Variants in NLN observed in about 807,000 individuals in gnomAD.
NLN encodes neurolysin, mitochondrial.
A neutral mutation model predicts 79.9 loss-of-function variants in NLN; 64 were observed. The observed-to-expected ratio is 0.80, with a 90% CI of 0.65 to 0.99. The LOEUF (loss-of-function observed/expected upper bound fraction) is 0.99. Ranked by LOEUF, NLN falls within the 50% of genes least tolerant of loss-of-function variation. The pLI is 0.00. For missense variants in NLN, 835 were observed against 858.7 expected (o/e 0.97, Z 0.34); for synonymous variants, 267 against 296.6 (o/e 0.90, Z 1.02).
chr5:65,770,411 A>G (rs1450565568), intron 3 of NLN, among the ~76,000 whole-genome samples: 1 of 152,260 alleles, frequency 6.6e-6, no homozygotes, highest in South Asian at 2.1e-4. Context: ...AATCAAATGT[A>G]TGAAAAGATG....
At chr5:65,731,204 G>A (rs1758598295) in intron 1 of NLN, among the ~76,000 whole-genome samples, 1 of 152,204 alleles carries the variant, frequency 6.6e-6, no homozygotes, top group East Asian at 1.9e-4. Flanking sequence ...CATGTCAGTG[G>A]CAGGGTTCCA....
intron 1 of NLN, among the ~76,000 whole-genome samples, chr5:65,729,831 C>T (rs1294549007): frequency 1.3e-5 from 2 of 152,138 alleles, no homozygotes; most frequent in Non-Finnish European, 2.9e-5. Flanking sequence ...TATGAAGAAC[C>T]AAGGAAACTG....
chr5:65,791,677 C>G (rs1434672254), intron 8 of NLN, among the ~76,000 whole-genome samples: 1 of 151,402 alleles, frequency 6.6e-6, no homozygotes, highest in African/African-American at 2.4e-5. Flanking sequence ...GAGCTGAGAT[C>G]ATGCCACTGC....
At chr5:65,784,624 A>G (rs930897022) in intron 6 of NLN, among the ~76,000 whole-genome samples, 1 of 152,212 alleles carries the variant, frequency 6.6e-6, no homozygotes, top group African/African-American at 2.4e-5. Flanking sequence ...TCAATTCCCA[A>G]AAGGCCCTGC....
At chr5:65,777,904 C>G (rs1199542819) in intron 4 of NLN, among the ~76,000 whole-genome samples, 1 of 152,196 alleles carries the variant, frequency 6.6e-6, no homozygotes, top group Non-Finnish European at 1.5e-5. Context: ...TTAAATTCTA[C>G]AACTCCTGTT....
At chr5:65,732,892 C>T (rs1758641323) in intron 1 of NLN, 3 of 460,634 alleles carry the variant, frequency 6.5e-6, no homozygotes, top group East Asian at 3.8e-5. Flanking sequence ...TCAGGCAGCA[C>T]CTTGCACACA....
intron 1 of NLN, chr5:65,733,478 G>T: frequency 7.2e-7 from 1 of 1,382,484 alleles, no homozygotes; most frequent in Non-Finnish European, 1.0e-6. Flanking sequence ...CTTCCCATCT[G>T]GAGAGTCTTG....
At chr5:65,757,904 G>A (rs1220601416) in intron 1 of NLN, among the ~76,000 whole-genome samples, 2 of 152,066 alleles carry the variant, frequency 1.3e-5, no homozygotes, top group African/African-American at 4.8e-5. Context: ...TATGTACATA[G>A]TAGGTGAAAG....
At chr5:65,760,971 G>A (rs933780388) in intron 2 of NLN, among the ~76,000 whole-genome samples, 7 of 152,072 alleles carry the variant, frequency 4.6e-5, no homozygotes, top group African/African-American at 1.7e-4. Context: ...TTGAGTTTAG[G>A]AATAGATTTC....
chr5:65,788,360 T>C lies in NLN; in HGVS notation c.1201T>C (p.Leu401=), dbSNP rs755445815. 1 of 1,614,166 alleles carries C rather than the reference T, an allele frequency of 6.2e-7. No homozygotes were observed. The change falls in exon 8 of 13, where the codon TTG becomes CTG. Residue 401 remains leucine (L), a synonymous_variant. Coordinates refer to ENST00000380985, the MANE Select transcript of NLN (RefSeq NM_020726.5). The stretch of plus-strand genomic sequence containing the variant: ...CTTGCTGAACACCTACCAGGAGTTG[T>C]TGGGACTTTCATTTGAACAAATGAC... ...EGLLNTYQEL[L]GLSFEQMTDA... is the part of the protein sequence containing the mutation.
chr5:65,763,229 CCATAATGGGCATTATATAGTATTA>C, intron 3 of NLN, 121 bp downstream of exon 3: 2 of 778,832 alleles, frequency 2.6e-6, no homozygotes. Flanking sequence ...GATTATAAAA[CCATAATGGGCATTATATAGTATTA>C]CATAATGTTA....
chr5:65,738,213 G>A (rs1447501215), intron 1 of NLN, among the ~76,000 whole-genome samples: 1 of 151,926 alleles, frequency 6.6e-6, no homozygotes, highest in African/African-American at 2.4e-5. Flanking sequence ...AGAATACAAG[G>A]CAGAAGGTGA....
rs541872022 is a variant in NLN, at chr5:65,781,573, T to C, written c.822+152T>C. The C allele has an allele frequency of 5.5e-4, 351 of 636,154 alleles. 7 individuals carry two copies. In the South Asian group the frequency reaches 6.3e-3, roughly 11 times the overall value. The allele number at this position is 636,154 out of a possible 1,614,324, so 39.4% of individuals were successfully genotyped here. A position where few individuals can be genotyped will look rare whatever the true frequency, so the allele number is the denominator to read the frequency against. On this transcript the variant is annotated intron_variant, in intron 6 of 12. Coordinates refer to ENST00000380985, the MANE Select transcript of NLN (RefSeq NM_020726.5). ...CCTCAGACTTACAAGACTTTTAGCTTTTTCATTGCTCATTGACAACCTGCT... is the reference window on the plus strand; with the variant it reads ...CCTCAGACTTACAAGACTTTTAGCTCTTTCATTGCTCATTGACAACCTGCT...
In NLN at chr5:65,738,289, AAGG is replaced by A. The variant is rs1171177748; in HGVS notation, c.41+15879_41+15881del. 1.3e-4 allele frequency among the ~76,000 whole-genome samples: 19 copies of A among 148,840 alleles called. No homozygotes were observed. The East Asian group carries it at 3.5e-3, about 28-fold the overall frequency. Reference sequence around the variant, plus strand: ...GAAAAGATATTACTTCCAGGATAAAAAGGAGGGGGAAAGGCCAGGTGTGGTGCC... The same window carrying A: ...GAAAAGATATTACTTCCAGGATAAAAAGGGGGAAAGGCCAGGTGTGGTGCC... On this transcript the variant is annotated intron_variant, in intron 1 of 12. Coordinates refer to ENST00000380985, the MANE Select transcript of NLN (RefSeq NM_020726.5).
At chr5:65,750,445 A>G (rs181868) in intron 1 of NLN, among the ~76,000 whole-genome samples, 67,452 of 152,186 alleles carry the variant, frequency 0.44, 15,861 homozygotes, top group Non-Finnish European at 0.52. Context: ...TTGGCCTGGC[A>G]CGATGGCCCA....
chr5:65,738,743 T>C (rs1758791458), intron 1 of NLN, among the ~76,000 whole-genome samples: 1 of 151,186 alleles, frequency 6.6e-6, no homozygotes, highest in Non-Finnish European at 1.5e-5. Flanking sequence ...CCTCAGCTGC[T>C]AGTAACTACC....
chr5:65,766,808 A>G (rs537661365), intron 3 of NLN, among the ~76,000 whole-genome samples: 1 of 152,246 alleles, frequency 6.6e-6, no homozygotes, highest in Non-Finnish European at 1.5e-5. Flanking sequence ...AAATGTTCAC[A>G]TTCCAAATGG....
At position 65,825,836 on chromosome 5, in the gene NLN, G is replaced by C. The variant is rs770873389; in HGVS notation, c.*2921G>C. 6.6e-6 allele frequency: 1 copy of C among 152,178 alleles called. No individual in the cohort carries two copies. Among genetic ancestry groups the C allele is most frequent in the Non-Finnish European group, 1.5e-5 (1 of 68,024 alleles). 9.4% of individuals were successfully genotyped at this position (152,178 alleles called of 1,614,324 possible). A position where few individuals can be genotyped will look rare whatever the true frequency, so the allele number is the denominator to read the frequency against. ...TTACCATTTTACCTTTAGCTTTTAT[G>C]TATGAATTATAGGTCTGTGGAGATT... is the stretch of plus-strand genomic sequence containing the variant. On this transcript the variant is annotated 3_prime_UTR_variant, in exon 13 of 13. Transcript: ENST00000380985.
At chr5:65,759,926 G>A (rs1183546209) in intron 2 of NLN, among the ~76,000 whole-genome samples, 2 of 152,086 alleles carry the variant, frequency 1.3e-5, no homozygotes, top group Non-Finnish European at 2.9e-5. Flanking sequence ...GACCCTTCAA[G>A]TTATAAGGAG....
Sources: gnomAD v4.1 joint callset for allele counts (sites outside exome capture counted in the v4.1 genomes callset) on GRCh38, gnomAD v4.1.1 for gene constraint, MANE v1.5 for transcripts, NCBI Gene and HGNC (gene_info 2026-07-23, HGNC 2026-07-21) for gene names.